NSA2: variants seen among roughly 807,000 people sequenced by gnomAD.
NSA2 encodes NSA2 ribosome biogenesis factor.
In NSA2, 18 loss-of-function variants were observed where a neutral mutation model predicts 34.8. The ratio of observed to expected loss-of-function variants is 0.52; its 90% CI spans 0.36 to 0.77. NSA2 has a LOEUF of 0.77. NSA2 is among the 30% of genes least tolerant of loss of function. The pLI, the probability that NSA2 is intolerant of heterozygous loss-of-function variation, is 0.00. For missense variants in NSA2, 188 were observed against 314.7 expected (o/e 0.60, Z 3.05); for synonymous variants, 79 against 100.2 (o/e 0.79, Z 1.26).
At chr5:74,768,629 G>T (rs1378800676) in intron 1 of NSA2, among the ~76,000 whole-genome samples, 2 of 152,138 alleles carry the variant, frequency 1.3e-5, no homozygotes, top group Admixed American at 1.3e-4. Context: ...AAATGAAGGT[G>T]TTATTAAAAA....
chr5:74,774,083 G>A, intron 5 of NSA2, 23 bp downstream of exon 5: 1 of 1,547,052 alleles, frequency 6.5e-7, no homozygotes, highest in Non-Finnish European at 8.9e-7. Context: ...TTGAATACAG[G>A]GCTGCTGTGT....
chr5:74,771,441 T>C (rs898330750), intron 4 of NSA2: 1 of 152,222 alleles, frequency 6.6e-6, no homozygotes, highest in African/African-American at 2.4e-5. Flanking sequence ...ATGCCTGATA[T>C]TGTCTAGGTC....
Position 74,771,280 on chromosome 5 carries a change from CAAAA to C in NSA2, c.522+481_522+484del, listed in dbSNP as rs534453627. ...GGGCAAGAAGAGCAAAAATCCGTCT[CAAAA>C]AAAAAAAAAATCTTTTCAGCTTCGT... On this transcript the variant is annotated intron_variant, in intron 4 of 5. Transcript: ENST00000610426. 3.6e-4 allele frequency among the ~76,000 whole-genome samples: 41 copies of C among 113,574 alleles called. 1 individual carries two copies. The highest frequency in any genetic ancestry group is 6.8e-4 in the Non-Finnish European group (36 of 52,752). The allele number at this position is 113,574 out of a possible 152,430, so 74.5% of individuals were successfully genotyped here.
rs776003839 is a variant in NSA2, at chr5:74,770,828, T to C, written c.522+18T>C. On this transcript the variant is annotated intron_variant, in intron 4 of 5. Transcript: ENST00000610426. ...GGCCAATGGTAAGTCCTTGGAAGAGTGTAATGACCGAAATGTTAGTTGACT... is the reference window on the plus strand; with the variant it reads ...GGCCAATGGTAAGTCCTTGGAAGAGCGTAATGACCGAAATGTTAGTTGACT... 5 of 1,507,750 alleles carry C rather than the reference T, an allele frequency of 3.3e-6. No homozygotes were observed. The South Asian group carries it at 6.8e-5, about 21-fold the overall frequency. The allele number at this position is 1,507,750 out of a possible 1,614,324, so 93.4% of individuals were successfully genotyped here.
intron 4 of NSA2, chr5:74,771,366 C>T (rs893616286): frequency 1.3e-5 from 2 of 151,958 alleles, no homozygotes; most frequent in African/African-American, 4.8e-5. Flanking sequence ...GACTTTTAAA[C>T]ATGACATATT....
Position 74,767,332 on chromosome 5 carries a change from C to T in NSA2, c.-29C>T, listed in dbSNP as rs1421341893. 1 of 1,613,464 alleles carries T rather than the reference C, an allele frequency of 6.2e-7. No homozygotes were observed. Among genetic ancestry groups the T allele is most frequent in the Non-Finnish European group, 8.5e-7 (1 of 1,179,626 alleles). On this transcript the variant is annotated 5_prime_UTR_variant, in exon 1 of 6. Coordinates refer to ENST00000610426, the MANE Select transcript of NSA2 (RefSeq NM_014886.6). The stretch of plus-strand genomic sequence containing the variant: ...TGAGAGCGTTTTCGCACTCCAGCGG[C>T]TGCTCCTGGCGGCTCTGCGGCCGTC...
At chr5:74,774,081 A>G in intron 5 of NSA2, 21 bp downstream of exon 5, 3 of 1,565,454 alleles carry the variant, frequency 1.9e-6, no homozygotes, top group Admixed American at 1.7e-5. Flanking sequence ...TTTTGAATAC[A>G]GGGCTGCTGT....
rs1745288600 is a variant in NSA2 at position 74,779,293 on chromosome 5, TAAAG to T, written c.*2627_*2630del. On this transcript the variant is annotated 3_prime_UTR_variant, in exon 6 of 6. Coordinates refer to ENST00000610426, the MANE Select transcript of NSA2 (RefSeq NM_014886.6). ...CAATCTTTAAAAAACTACACTTGTC[TAAAG>T]AAAGTCTTTTAGTGCTCACTTCGGC... is the stretch of plus-strand genomic sequence containing the variant. 6.6e-6 allele frequency: 1 copy of T among 152,172 alleles called. No individual in the cohort carries two copies. Among genetic ancestry groups the T allele is most frequent in the African/African-American group, 2.4e-5 (1 of 41,458 alleles). 9.4% of individuals were successfully genotyped at this position (152,172 alleles called of 1,614,324 possible). A position where few individuals can be genotyped will look rare whatever the true frequency, so the allele number is the denominator to read the frequency against.
rs1289172332 is a variant in NSA2 at position 74,778,967 on chromosome 5, T to C, written c.*2296T>C. 1.3e-5 allele frequency: 2 copies of C among 152,134 alleles called. No individual in the cohort carries two copies. Among genetic ancestry groups the C allele is most frequent in the East Asian group, 1.9e-4 (1 of 5,196 alleles). 9.4% of individuals were successfully genotyped at this position (152,134 alleles called of 1,614,324 possible). On this transcript the variant is annotated 3_prime_UTR_variant, in exon 6 of 6. Coordinates refer to ENST00000610426, the MANE Select transcript of NSA2 (RefSeq NM_014886.6). ...GTTCCTTATTGAAGATAAATTGTGG[T>C]ATAAATTCTATACTCAAGTTACTGA...
chr5:74,770,543 C>G (rs2112414557), intron 3 of NSA2, 88 bp from the exon 4 acceptor site: 2 of 1,075,424 alleles, frequency 1.9e-6, no homozygotes, highest in East Asian at 2.5e-5. Context: ...AAAAATAGAT[C>G]TATTACTTTG....
At position 74,779,589 on chromosome 5, in the gene NSA2, A is replaced by G. The variant is rs1036875315; in HGVS notation, c.*2918A>G. 3.9e-5 allele frequency: 6 copies of G among 152,112 alleles called. No individual in the cohort carries two copies. Among genetic ancestry groups the G allele is most frequent in the Non-Finnish European group, 7.4e-5 (5 of 67,996 alleles). The allele number at this position is 152,112 out of a possible 1,614,324, so 9.4% of individuals were successfully genotyped here. ...CTCATAAAATGTATAAAACAGCATA[A>G]ATGTTTGGTAGATTCACTAATAGTA... On this transcript the variant is annotated 3_prime_UTR_variant, in exon 6 of 6. Coordinates refer to ENST00000610426, the MANE Select transcript of NSA2 (RefSeq NM_014886.6).
chr5:74,775,342 G>A lies in NSA2; in HGVS notation c.716-1262G>A, dbSNP rs549593756. ...TAAAAAGCCCCCTCGCTATCTGGGC[G>A]CAGTGGCTGACACCTATAATCCCAG... On this transcript the variant is annotated intron_variant, in intron 5 of 5. Coordinates refer to ENST00000610426, the MANE Select transcript of NSA2 (RefSeq NM_014886.6). Among the ~76,000 whole-genome samples the A allele has an allele frequency of 7.9e-5, 12 of 152,128 alleles. No homozygotes were observed. The South Asian group carries it at 1.9e-3, about 24-fold the overall frequency.
rs1036319634 is a variant in NSA2 at position 74,777,082 on chromosome 5, C to T, written c.*411C>T. On this transcript the variant is annotated 3_prime_UTR_variant, in exon 6 of 6. Transcript: ENST00000610426. ...CTAAAAAAGGTAGGTAGCATTAATA[C>T]AGATGTTAAGTTTATAGTGTTTGTT... 1.9e-5 allele frequency: 3 copies of T among 155,418 alleles called. No individual in the cohort carries two copies. Among genetic ancestry groups the T allele is most frequent in the African/African-American group, 7.5e-5 (3 of 40,216 alleles). The allele number at this position is 155,418 out of a possible 1,614,324, so 9.6% of individuals were successfully genotyped here.
At position 74,778,598 on chromosome 5, in the gene NSA2, A is replaced by T. The variant is rs1472782747; in HGVS notation, c.*1927A>T. On this transcript the variant is annotated 3_prime_UTR_variant, in exon 6 of 6. Transcript: ENST00000610426. ...TCTAAATCATGCTGTTTGATTTTAT[A>T]AAAAAATCATAATAGACCCTCTCAC... The T allele has an allele frequency of 1.4e-5, 1 of 69,384 alleles. No individual in the cohort carries two copies. Among genetic ancestry groups the T allele is most frequent in the Non-Finnish European group, 2.4e-5 (1 of 41,214 alleles). The allele number at this position is 69,384 out of a possible 1,614,324, so 4.3% of individuals were successfully genotyped here.
chr5:74,770,597 A>G (rs758538282), intron 3 of NSA2, 34 bp from the exon 4 acceptor site: 18 of 1,456,136 alleles, frequency 1.2e-5, no homozygotes, highest in Non-Finnish European at 1.7e-5. Flanking sequence ...TCCTTTAATA[A>G]CAATATAAAC....
intron 4 of NSA2, among the ~76,000 whole-genome samples, chr5:74,772,409 G>A (rs953981166): frequency 1.3e-4 from 19 of 148,830 alleles, no homozygotes; most frequent in African/African-American, 3.6e-4. Flanking sequence ...ATGAGCCACC[G>A]TGCCCGGCCA....
chr5:74,774,912 G>T (rs1031191607), intron 5 of NSA2, among the ~76,000 whole-genome samples: 1 of 152,060 alleles, frequency 6.6e-6, no homozygotes, highest in Non-Finnish European at 1.5e-5. Context: ...TCTGTCCCAC[G>T]TAGGTAAACT....
At position 74,776,720 on chromosome 5, in the gene NSA2, C is replaced by T; in HGVS notation, c.*49C>T. On this transcript the variant is annotated 3_prime_UTR_variant, in exon 6 of 6. Coordinates refer to ENST00000610426, the MANE Select transcript of NSA2 (RefSeq NM_014886.6). Reference sequence around the variant, plus strand: ...GAGGACTACACACCAATTGAAGAAACTGCCATTACTGTGATGTTTCTGAAT... The same window carrying T: ...GAGGACTACACACCAATTGAAGAAATTGCCATTACTGTGATGTTTCTGAAT... 1 of 899,406 alleles carries T rather than the reference C, an allele frequency of 1.1e-6. No individual in the cohort carries two copies. Among genetic ancestry groups the T allele is most frequent in the Non-Finnish European group, 1.9e-6 (1 of 533,880 alleles). 55.7% of individuals were successfully genotyped at this position (899,406 alleles called of 1,614,324 possible). A position where few individuals can be genotyped will look rare whatever the true frequency, so the allele number is the denominator to read the frequency against.
At chr5:74,772,444 A>G (rs1010268793) in intron 4 of NSA2, among the ~76,000 whole-genome samples, 2 of 152,188 alleles carry the variant, frequency 1.3e-5, no homozygotes, top group African/African-American at 4.8e-5. Flanking sequence ...TAATAGATTA[A>G]AATATTGGCA....
Sources: allele counts gnomAD v4.1 joint callset (sites outside exome capture counted in the v4.1 genomes callset), GRCh38; gene constraint gnomAD v4.1.1; transcripts MANE v1.5; gene names NCBI Gene and HGNC (gene_info 2026-07-23, HGNC 2026-07-21).